The following EPHB3 variants were observed in gnomAD, a reference collection of about 807,000 sequenced individuals.
The protein encoded by EPHB3 is ephrin type-B receptor 3.
Under a neutral mutation model 100.2 loss-of-function variants are expected in EPHB3, and 33 were observed. The observed-to-expected ratio is 0.33, with a 90% CI of 0.25 to 0.44. EPHB3 has a LOEUF of 0.44. EPHB3 is among the 20% of genes least tolerant of loss of function. The probability of loss-of-function intolerance (pLI) is 1.00; values close to 1 mark genes in which losing one functional copy is unlikely to be tolerated. For synonymous variants in EPHB3, 526 were observed against 554.7 expected (o/e 0.95, Z 0.73); for missense variants, 1,045 against 1,378.3 (o/e 0.76, Z 3.83).
rs950084925 is a variant in EPHB3 at position 184,579,199 on chromosome 3, T to C, written c.1802-278T>C. On this transcript the variant is annotated intron_variant, in intron 9 of 15. Coordinates refer to ENST00000330394, the MANE Select transcript of EPHB3 (RefSeq NM_004443.4). This position sits in a 1 kb window ranked among gnomAD's most constrained non-coding sequence, Gnocchi z 5.2. ...GGAGGCTATTGGAATAGTGTGAGTG[T>C]TGAAGGCCTGGACAAGGTCGGGGCA... Among the ~76,000 whole-genome samples the C allele has an allele frequency of 6.6e-6, 1 of 152,016 alleles. No homozygotes were observed. Among genetic ancestry groups the C allele is most frequent in the African/African-American group, 2.4e-5 (1 of 41,374 alleles).
chr3:184,581,965 G>A lies in EPHB3; in HGVS notation c.*343G>A, dbSNP rs914806337. ...TGGCAGGGTCAGGCTGGGGTAAGCC[G>A]GGGTTCCACAGGGCCCAGCCCTGGC... On this transcript the variant is annotated 3_prime_UTR_variant, in exon 16 of 16. Transcript: ENST00000330394. The A allele has an allele frequency of 4.2e-5, 9 of 215,816 alleles. No homozygotes were observed. The highest frequency in any genetic ancestry group is 5.4e-5 in the Admixed American group (1 of 18,680). The allele number at this position is 215,816 out of a possible 1,614,324, so 13.4% of individuals were successfully genotyped here. A position where few individuals can be genotyped will look rare whatever the true frequency, so the allele number is the denominator to read the frequency against.
At chr3:184,564,692 C>T (rs1714340963) in intron 1 of EPHB3, among the ~76,000 whole-genome samples, 3 of 152,104 alleles carry the variant, frequency 2.0e-5, no homozygotes, top group Non-Finnish European at 4.4e-5. Flanking sequence ...GGGCTGTCTG[C>T]CCCACATCTC....
intron 1 of EPHB3, among the ~76,000 whole-genome samples, chr3:184,568,602 C>CA (rs1714456101): frequency 7.0e-6 from 1 of 143,696 alleles, no homozygotes; most frequent in African/African-American, 2.6e-5. Context: ...ACCCCCCCCC[C>CA]ACATCCCCCT....
At position 184,577,840 on chromosome 3, in the gene EPHB3, C is replaced by T. The variant is rs1714717450; in HGVS notation, c.1639+23C>T. 3 of 1,605,592 alleles carry T rather than the reference C, an allele frequency of 1.9e-6. No individual in the cohort carries two copies. The highest frequency in any genetic ancestry group is 1.3e-5 in the African/African-American group (1 of 74,902). ...GAGGTTAGTAGCCCCCTGCGCCTGT[C>T]CCCATCGCGGCCCTCACTCTCTGTC... On this transcript the variant is annotated intron_variant, in intron 7 of 15. Coordinates refer to ENST00000330394, the MANE Select transcript of EPHB3 (RefSeq NM_004443.4). The surrounding 1 kb of genome is among the most constrained non-coding windows in gnomAD (Gnocchi z 4.9).
Position 184,578,593 on chromosome 3 carries a change from C to A in EPHB3, c.1801+127C>A. ...CTGAATGCCCCCTCCCACTTCCAGT[C>A]AAGTGGCATTTCCTGACCCCTATCT... On this transcript the variant is annotated intron_variant, in intron 9 of 15. Coordinates refer to ENST00000330394, the MANE Select transcript of EPHB3 (RefSeq NM_004443.4). The surrounding 1 kb of genome is among the most constrained non-coding windows in gnomAD (Gnocchi z 4.7). 8.0e-7 allele frequency: 1 copy of A among 1,244,238 alleles called. No individual in the cohort carries two copies. The highest frequency in any genetic ancestry group is 1.4e-5 in the South Asian group (1 of 72,540). 77.1% of individuals were successfully genotyped at this position (1,244,238 alleles called of 1,614,324 possible). A position where few individuals can be genotyped will look rare whatever the true frequency, so the allele number is the denominator to read the frequency against.
chr3:184,579,968 C>A lies in EPHB3; in HGVS notation c.2172+34C>A, dbSNP rs770901931. 4.4e-6 allele frequency: 7 copies of A among 1,598,280 alleles called. No homozygotes were observed. The highest frequency in any genetic ancestry group is 3.4e-5 in the South Asian group (3 of 88,366). ...CAGCCCCCAGGCCCTCTCCCTCCCC[C>A]AGAGAGTTGGATTGGGCTCACCATC... On this transcript the variant is annotated intron_variant, in intron 11 of 15. Coordinates refer to ENST00000330394, the MANE Select transcript of EPHB3 (RefSeq NM_004443.4). This position sits in a 1 kb window ranked among gnomAD's most constrained non-coding sequence, Gnocchi z 5.2.
rs756630127 is a variant in EPHB3 at position 184,577,731 on chromosome 3, G to T, written c.1553G>T (p.Arg518Leu). Residue 518 changes from arginine (R) to leucine (L), a missense_variant, in exon 7 of 16, where the codon CGC becomes CTC. By Grantham distance (102) the Arg-to-Leu change is moderately radical. Coordinates refer to ENST00000330394, the MANE Select transcript of EPHB3 (RefSeq NM_004443.4). The surrounding 1 kb of genome is among the most constrained non-coding windows in gnomAD (Gnocchi z 4.9). ...CTGGACGGGCTTCGGCCTGACGCCCGCTATGTGGTCCAGGTCCGTGCCCGC... is the reference window on the plus strand; with the variant it reads ...CTGGACGGGCTTCGGCCTGACGCCCTCTATGTGGTCCAGGTCCGTGCCCGC... Reference protein sequence around the residue: ...VQLDGLRPDARYVVQVRARTV... With the variant: ...VQLDGLRPDALYVVQVRARTV... 1 of 1,611,654 alleles carries T rather than the reference G, an allele frequency of 6.2e-7. No individual in the cohort carries two copies. Among genetic ancestry groups the T allele is most frequent in the Non-Finnish European group, 8.5e-7 (1 of 1,178,532 alleles).
rs1298106298 is a variant in EPHB3, at chr3:184,561,934, C to G, written c.-302C>G. 6.4e-6 allele frequency: 1 copy of G among 156,518 alleles called. No homozygotes were observed. The highest frequency in any genetic ancestry group is 2.4e-5 in the African/African-American group (1 of 41,488). The allele number at this position is 156,518 out of a possible 1,614,324, so 9.7% of individuals were successfully genotyped here. A position where few individuals can be genotyped will look rare whatever the true frequency, so the allele number is the denominator to read the frequency against. ...TCACGACCACCTGCACCCTCCTGCC[C>G]CGGCCCGCCCCCCAAGTCCTCAGGC... On this transcript the variant is annotated 5_prime_UTR_variant, in exon 1 of 16. Transcript: ENST00000330394.
In EPHB3 at chr3:184,578,913, G is replaced by T. The variant is rs1353202987; in HGVS notation, c.1801+447G>T. On this transcript the variant is annotated intron_variant, in intron 9 of 15. Coordinates refer to ENST00000330394, the MANE Select transcript of EPHB3 (RefSeq NM_004443.4). The surrounding 1 kb of genome is among the most constrained non-coding windows in gnomAD (Gnocchi z 4.7). ...TGGCCAGAGGAGCCTCTGGAAGGTA[G>T]TGGGCGGGGTGGGGAAGGAGCCCAA... Among the ~76,000 whole-genome samples the T allele has an allele frequency of 6.6e-6, 1 of 152,142 alleles. No individual in the cohort carries two copies. Among genetic ancestry groups the T allele is most frequent in the Non-Finnish European group, 1.5e-5 (1 of 68,040 alleles).
In EPHB3 at chr3:184,562,950, TC is replaced by T. The variant is rs1350118622; in HGVS notation, c.118+600del. Among the ~76,000 whole-genome samples the T allele has an allele frequency of 2.0e-5, 3 of 152,192 alleles. No homozygotes were observed. The highest frequency in any genetic ancestry group is 4.4e-5 in the Non-Finnish European group (3 of 68,026). On this transcript the variant is annotated intron_variant, in intron 1 of 15. Coordinates refer to ENST00000330394, the MANE Select transcript of EPHB3 (RefSeq NM_004443.4). This position sits in a 1 kb window ranked among gnomAD's most constrained non-coding sequence, Gnocchi z 4.8. ...GGGCCCCCGCACCCTTTGTGGAGGC[TC>T]CCTCTCCGCCTGCTAGAGCAGGGCT...
intron 1 of EPHB3, among the ~76,000 whole-genome samples, chr3:184,567,706 T>C (rs1714421699): frequency 6.6e-6 from 1 of 152,208 alleles, no homozygotes; most frequent in Non-Finnish European, 1.5e-5. Flanking sequence ...AACTGGTGTT[T>C]GTGTTTGCAC....
At chr3:184,575,776 C>G (rs7640497) in intron 3 of EPHB3, 54 bp from the exon 4 acceptor site, 1 of 1,522,058 alleles carries the variant, frequency 6.6e-7, no homozygotes, top group Non-Finnish European at 8.8e-7. Flanking sequence ...CTGCGGAGGT[C>G]TGGTGTCTGC....
intron 3 of EPHB3, among the ~76,000 whole-genome samples, chr3:184,574,807 T>C (rs1714633275): frequency 6.6e-6 from 1 of 152,208 alleles, no homozygotes; most frequent in South Asian, 2.1e-4. Flanking sequence ...AAATGCATGC[T>C]GGTTCCCATA....
At chr3:184,575,324 G>T in intron 3 of EPHB3, 1 of 767,110 alleles carries the variant, frequency 1.3e-6, no homozygotes, top group South Asian at 5.9e-5. Flanking sequence ...GCAGACAGGA[G>T]CTGCTGCCTG....
intron 1 of EPHB3, among the ~76,000 whole-genome samples, chr3:184,570,271 C>T (rs1432170273): frequency 6.6e-6 from 1 of 152,182 alleles, no homozygotes; most frequent in Non-Finnish European, 1.5e-5. Flanking sequence ...TTTCTTTCAT[C>T]CCTCCTTTAC....
At position 184,579,517 on chromosome 3, in the gene EPHB3, C is replaced by T. The variant is rs367809722; in HGVS notation, c.1842C>T (p.Tyr614=). ...GMKVYIDPFT[Y]EDPNEAVREF... is the part of the protein sequence containing the mutation. ...AGGTTTATATTGACCCTTTTACCTA[C>T]GAGGACCCTAATGAGGCTGTTCGGG... The change falls in exon 10 of 16, where the codon TAC becomes TAT. Residue 614 remains tyrosine, a synonymous_variant. Transcript: ENST00000330394. The surrounding 1 kb of genome is among the most constrained non-coding windows in gnomAD (Gnocchi z 5.2). The T allele has an allele frequency of 6.8e-5, 110 of 1,613,914 alleles. No homozygotes were observed. In the East Asian group the frequency reaches 7.8e-4, roughly 11 times the overall value.
chr3:184,576,807 C>T (rs775452153), intron 4 of EPHB3, 35 bp from the exon 5 acceptor site: 5 of 1,515,982 alleles, frequency 3.3e-6, no homozygotes, highest in Non-Finnish European at 4.4e-6. Flanking sequence ...CTAGAGCCCC[C>T]AGCTCACTAC....
rs371112480 is a variant in EPHB3 at position 184,572,316 on chromosome 3, G to A, written c.184-188G>A. On this transcript the variant is annotated intron_variant, in intron 2 of 15. Coordinates refer to ENST00000330394, the MANE Select transcript of EPHB3 (RefSeq NM_004443.4). This position sits in a 1 kb window ranked among gnomAD's most constrained non-coding sequence, Gnocchi z 6.6. Reference sequence around the variant, plus strand: ...AGATGGGGAAACTGAGGCACATGGCGGTTAAGTGACTTACCCATAATCACA... The same window carrying A: ...AGATGGGGAAACTGAGGCACATGGCAGTTAAGTGACTTACCCATAATCACA... Among the ~76,000 whole-genome samples, 121 of 152,266 alleles carry A rather than the reference G, an allele frequency of 7.9e-4. 4 individuals carry two copies. In the South Asian group the frequency reaches 0.012, roughly 15 times the overall value.
At chr3:184,580,650 C>A (rs558776023) in intron 12 of EPHB3, 33 bp downstream of exon 12, 8 of 1,609,332 alleles carry the variant, frequency 5.0e-6, no homozygotes, top group Non-Finnish European at 6.8e-6. Flanking sequence ...AGACTGGGGG[C>A]GGGGCCTATC....
Sources: gnomAD v4.1 joint callset for allele counts (sites outside exome capture counted in the v4.1 genomes callset) on GRCh38, gnomAD v4.1.1 for gene constraint, Gnocchi (gnomAD v3.1) non-coding constraint, MANE v1.5 for transcripts, NCBI Gene and HGNC (gene_info 2026-07-23, HGNC 2026-07-21) for gene names.